GLRA1: variants seen among roughly 807,000 people sequenced by gnomAD.
GLRA1 encodes glycine receptor alpha 1, also known as glycine receptor subunit alpha-1.
A neutral mutation model predicts 48.3 loss-of-function variants in GLRA1; 37 were observed. That is an observed-to-expected ratio of 0.77 (90% CI 0.59 to 1.01). GLRA1 has a LOEUF of 1.01. GLRA1 is among the 50% of genes least tolerant of loss of function. The probability of loss-of-function intolerance (pLI) is 0.00; values close to 1 mark genes in which losing one functional copy is unlikely to be tolerated. For synonymous variants in GLRA1, 196 were observed against 210.7 expected (o/e 0.93, Z 0.60); for missense variants, 427 against 571.0 (o/e 0.75, Z 2.57).
chr5:151,923,823 C>T lies in GLRA1; in HGVS notation c.56+671G>A, dbSNP rs191578082. Among the ~76,000 whole-genome samples the T allele has an allele frequency of 9.9e-5, 15 of 152,140 alleles. No homozygotes were observed. In the East Asian group the frequency reaches 2.9e-3, roughly 29 times the overall value. Reference sequence around the variant, plus strand: ...AAGGTGGGTTGGGGAAAGAGGCAGTCAAAGTTTCAAAAGGGAAATGTTTCC... The same window carrying T: ...AAGGTGGGTTGGGGAAAGAGGCAGTTAAAGTTTCAAAAGGGAAATGTTTCC... On this transcript the variant is annotated intron_variant, in intron 1 of 8. Coordinates refer to ENST00000274576, the MANE Select transcript of GLRA1 (RefSeq NM_000171.4).
intron 1 of GLRA1, among the ~76,000 whole-genome samples, chr5:151,905,268 T>A (rs1754449554): frequency 6.6e-6 from 1 of 152,274 alleles, no homozygotes; most frequent in Middle Eastern, 3.4e-3. Context: ...ATTATCTAGA[T>A]ATCTACTGTT....
chr5:151,917,510 G>C (rs1387761796), intron 1 of GLRA1, among the ~76,000 whole-genome samples: 2 of 152,140 alleles, frequency 1.3e-5, no homozygotes, highest in African/African-American at 4.8e-5. Flanking sequence ...TGAGTTTAGA[G>C]ACAAGTATAT....
chr5:151,828,360 C>T (rs568544241), intron 8 of GLRA1, among the ~76,000 whole-genome samples: 2 of 152,188 alleles, frequency 1.3e-5, no homozygotes, highest in Admixed American at 1.3e-4. Context: ...TGCACAACCT[C>T]GTGAACAGAG....
intron 2 of GLRA1, among the ~76,000 whole-genome samples, chr5:151,889,312 G>T (rs1753997463): frequency 6.6e-6 from 1 of 152,228 alleles, no homozygotes. Context: ...ATTGGGCTGT[G>T]CCCCTAATCC....
At chr5:151,831,544 C>G (rs1046074604) in intron 7 of GLRA1, among the ~76,000 whole-genome samples, 1 of 152,096 alleles carries the variant, frequency 6.6e-6, no homozygotes, top group East Asian at 1.9e-4. Context: ...GAAGTTCGAA[C>G]TGGGTGGAGC....
At chr5:151,870,516 C>G (rs188201991) in intron 3 of GLRA1, among the ~76,000 whole-genome samples, 1 of 149,824 alleles carries the variant, frequency 6.7e-6, no homozygotes. Flanking sequence ...ATCTCAATGA[C>G]TTAGGATGGG....
intron 3 of GLRA1, among the ~76,000 whole-genome samples, chr5:151,871,935 G>C (rs1753497429): frequency 6.7e-6 from 1 of 149,600 alleles, no homozygotes; most frequent in Admixed American, 6.6e-5. Context: ...GGCTGAAAGC[G>C]TTAAGAAAAA....
chr5:151,841,116 A>G (rs1763703342), intron 7 of GLRA1, among the ~76,000 whole-genome samples: 2 of 152,112 alleles, frequency 1.3e-5, no homozygotes. Context: ...TTCAGAATAA[A>G]CCATACTATT....
At chr5:151,827,620 C>T (rs73281687) in intron 8 of GLRA1, among the ~76,000 whole-genome samples, 2,111 of 152,266 alleles carry the variant, frequency 0.014, 51 homozygotes, top group African/African-American at 0.049. Flanking sequence ...GAGGCAGGGT[C>T]CTTTGTCACA....
intron 7 of GLRA1, among the ~76,000 whole-genome samples, chr5:151,843,238 T>C (rs1360125496): frequency 1.3e-5 from 2 of 151,598 alleles, no homozygotes; most frequent in East Asian, 3.9e-4. Flanking sequence ...ATTTCAAAAA[T>C]TGACAAGCTG....
intron 2 of GLRA1, among the ~76,000 whole-genome samples, chr5:151,887,890 C>A (rs1175784372): frequency 6.6e-6 from 1 of 152,192 alleles, no homozygotes; most frequent in Admixed American, 6.5e-5. Context: ...GCACGAAAGA[C>A]CTCAGAAAGG....
chr5:151,847,444 A>C lies in GLRA1; in HGVS notation c.912+3946T>G, dbSNP rs145571691. On this transcript the variant is annotated intron_variant, in intron 7 of 8. Coordinates refer to ENST00000274576, the MANE Select transcript of GLRA1 (RefSeq NM_000171.4). ...GTAAGTGAAACGGAACATTATGTTT[A>C]GCGTTAAAACTGAATTAAGTAATCC... Among the ~76,000 whole-genome samples the C allele has an allele frequency of 9.9e-3, 1,504 of 152,302 alleles. 28 individuals carry two copies. Among genetic ancestry groups the C allele is most frequent in the African/African-American group, 0.034 (1,429 of 41,570 alleles).
intron 7 of GLRA1, chr5:151,850,924 TA>T (rs574649800): frequency 5.0e-4 from 257 of 511,304 alleles, no homozygotes; most frequent in African/African-American, 4.4e-3. Context: ...TTCAAAAAAT[TA>T]AAAAATAAAT....
At chr5:151,876,534 G>A (rs1370939100) in intron 3 of GLRA1, among the ~76,000 whole-genome samples, 1 of 152,102 alleles carries the variant, frequency 6.6e-6, no homozygotes, top group Non-Finnish European at 1.5e-5. Context: ...CAGCATCCTT[G>A]CATAGCTCTG....
chr5:151,918,680 T>C (rs1365990711), intron 1 of GLRA1, among the ~76,000 whole-genome samples: 2 of 152,214 alleles, frequency 1.3e-5, no homozygotes. Context: ...GACTTGCATT[T>C]CATTCACTCT....
At chr5:151,848,854 C>T (rs920134174) in intron 7 of GLRA1, 58 of 588,438 alleles carry the variant, frequency 9.9e-5, no homozygotes, top group Admixed American at 4.6e-4. Flanking sequence ...TTTACCCGCC[C>T]GCCTGCTCAG....
At chr5:151,914,697 G>A (rs368113026) in intron 1 of GLRA1, among the ~76,000 whole-genome samples, 27 of 152,274 alleles carry the variant, frequency 1.8e-4, no homozygotes, top group South Asian at 6.2e-4. Context: ...GAGAAAGGAC[G>A]TTCAGTGGCT....
chr5:151,897,583 G>A (rs542888381), intron 1 of GLRA1, among the ~76,000 whole-genome samples: 4 of 152,184 alleles, frequency 2.6e-5, no homozygotes, highest in South Asian at 2.1e-4. Flanking sequence ...TCCTTACTGA[G>A]AAGGCTTATT....
At chr5:151,875,745 G>A (rs548044060) in intron 3 of GLRA1, 1 of 152,320 alleles carries the variant, frequency 6.6e-6, no homozygotes, top group Admixed American at 6.5e-5. Context: ...TTCTGCAGAA[G>A]ACCAGGATGA....
Sources: allele counts gnomAD v4.1 joint callset (sites outside exome capture counted in the v4.1 genomes callset), GRCh38; gene constraint gnomAD v4.1.1; transcripts MANE v1.5; gene names NCBI Gene and HGNC (gene_info 2026-07-23, HGNC 2026-07-21).